ATF7IP: variants seen among roughly 807,000 people sequenced by gnomAD.
The protein encoded by ATF7IP is activating transcription factor 7-interacting protein 1.
A neutral mutation model predicts 106.4 loss-of-function variants in ATF7IP; 23 were observed. That is an observed-to-expected ratio of 0.22 (90% CI 0.16 to 0.31). The LOEUF (loss-of-function observed/expected upper bound fraction) is 0.31, where lower values mean the gene tolerates loss of function less well. ATF7IP is among the 10% of genes least tolerant of loss of function. The pLI is 1.00. For missense variants in ATF7IP, 1,334 were observed against 1,524.3 expected, an observed-to-expected ratio of 0.88 and a Z score of 2.08; for synonymous variants, 542 against 539.0, an observed-to-expected ratio of 1.01 and a Z score of -0.08.
chr12:14,422,550 C>A (rs565979932), intron 1 of ATF7IP, among the ~76,000 whole-genome samples: 15 of 152,256 alleles, frequency 9.9e-5, no homozygotes, highest in African/African-American at 2.6e-4. Context: ...AGCAGCTACT[C>A]CTCATTTTCT....
At position 14,436,230 on chromosome 12, in the gene ATF7IP, C is replaced by T. The variant is rs1942396442; in HGVS notation, c.1770C>T (p.Asp590=). Residue 590 remains aspartate, a synonymous_variant, in exon 4 of 15, where the codon GAC becomes GAT. Transcript: ENST00000261168. ...EFQVKITAKG[D]INQKLQKVIQ... ...AAGTAAAGATTACAGCCAAAGGAGA[C>T]ATTAACCAGAAACTTCAAAAGGTAT... The T allele has an allele frequency of 6.2e-7, 1 of 1,612,786 alleles. No homozygotes were observed. The highest frequency in any genetic ancestry group is 2.2e-5 in the East Asian group (1 of 44,766).
intron 3 of ATF7IP, among the ~76,000 whole-genome samples, chr12:14,435,824 G>A (rs1942377052): frequency 6.6e-6 from 1 of 152,198 alleles, no homozygotes; most frequent in South Asian, 2.1e-4. Flanking sequence ...CCTTCTTCAT[G>A]ACACAATTGT....
intron 13 of ATF7IP, among the ~76,000 whole-genome samples, chr12:14,484,083 C>T (rs1348350354): frequency 6.6e-6 from 1 of 152,134 alleles, no homozygotes; most frequent in African/African-American, 2.4e-5. Context: ...TATAATCAAC[C>T]TGCCACCCGG....
chr12:14,479,643 A>G (rs1478687663), intron 12 of ATF7IP, among the ~76,000 whole-genome samples: 4 of 152,082 alleles, frequency 2.6e-5, no homozygotes, highest in African/African-American at 7.2e-5. Context: ...GATGCAGCAA[A>G]TGTGTGGTTG....
intron 6 of ATF7IP, among the ~76,000 whole-genome samples, chr12:14,453,428 T>C (rs893121322): frequency 6.6e-6 from 1 of 152,190 alleles, no homozygotes; most frequent in South Asian, 2.1e-4. Context: ...TTCAAACTTG[T>C]GGACTTATTT....
intron 6 of ATF7IP, among the ~76,000 whole-genome samples, chr12:14,448,322 A>G (rs1261763359): frequency 6.6e-6 from 1 of 152,178 alleles, no homozygotes; most frequent in Non-Finnish European, 1.5e-5. Flanking sequence ...GAAATTGACA[A>G]TTTTGTTTAC....
At position 14,460,979 on chromosome 12, in the gene ATF7IP, T is replaced by C. The variant is rs759661713; in HGVS notation, c.2643T>C (p.Ile881=). The C allele has an allele frequency of 2.7e-5, 43 of 1,613,866 alleles. No individual in the cohort carries two copies. Among genetic ancestry groups the C allele is most frequent in the Non-Finnish European group, 3.2e-5 (38 of 1,179,990 alleles). Residue 881 remains isoleucine, a synonymous_variant, in exon 9 of 15, where the codon ATT becomes ATC. Coordinates refer to ENST00000261168, the MANE Select transcript of ATF7IP (RefSeq NM_018179.5). ...AVQAVPTAHS[I]VQATRTSLPT... ...AGGCTGTTCCAACAGCACACTCTAT[T>C]GTACAAGCCACAAGGACTTCTTTAC...
rs1220998587 is a variant in ATF7IP, at chr12:14,500,284, G to A, written c.*2211G>A. 6.6e-6 allele frequency: 1 copy of A among 152,152 alleles called. No individual in the cohort carries two copies. The highest frequency in any genetic ancestry group is 1.5e-5 in the Non-Finnish European group (1 of 68,042). 9.4% of individuals were successfully genotyped at this position (152,152 alleles called of 1,614,324 possible). A position where few individuals can be genotyped will look rare whatever the true frequency, so the allele number is the denominator to read the frequency against. ...ACTTTTGACTGGTCAGTATACTGAG[G>A]TGTGAGATTTGATTCATGATGAAGA... is the stretch of plus-strand genomic sequence containing the variant. On this transcript the variant is annotated 3_prime_UTR_variant, in exon 15 of 15. Transcript: ENST00000261168.
At chr12:14,476,530 ATC>A (rs1944269987) in intron 11 of ATF7IP, 1 of 151,638 alleles carries the variant, frequency 6.6e-6, no homozygotes, top group African/African-American at 2.4e-5. Flanking sequence ...CTGTTTTTGT[ATC>A]TGTTATTTCA....
At chr12:14,443,115 C>G (rs1204993237) in intron 5 of ATF7IP, among the ~76,000 whole-genome samples, 1 of 151,882 alleles carries the variant, frequency 6.6e-6, no homozygotes, top group East Asian at 1.9e-4. Context: ...AGATTGTGCC[C>G]TTGCATTCCA....
chr12:14,404,175 A>G lies in ATF7IP; in HGVS notation c.-7-19734A>G, dbSNP rs147612031. On this transcript the variant is annotated intron_variant, in intron 1 of 14. Transcript: ENST00000261168. The stretch of plus-strand genomic sequence containing the variant: ...GTGCTAAACAGTCTATAATGGAGAC[A>G]AGGCAGTTCATGGAAACTAGAGAAC... Among the ~76,000 whole-genome samples, 96 of 151,832 alleles carry G rather than the reference A, an allele frequency of 6.3e-4. 3 individuals are homozygous for G. In the East Asian group the frequency reaches 0.018, roughly 29 times the overall value.
chr12:14,487,037 C>G (rs1944642872), intron 13 of ATF7IP, among the ~76,000 whole-genome samples: 1 of 152,160 alleles, frequency 6.6e-6, no homozygotes. Context: ...CTACATTAAC[C>G]AAGGGAGATA....
intron 12 of ATF7IP, among the ~76,000 whole-genome samples, chr12:14,478,734 G>GCATT (rs774568606): frequency 2.0e-5 from 3 of 152,058 alleles, no homozygotes; most frequent in Non-Finnish European, 2.9e-5. Flanking sequence ...ATTTTAAAAA[G>GCATT]CATTCACATC....
chr12:14,412,941 G>A (rs1402631238), intron 1 of ATF7IP, among the ~76,000 whole-genome samples: 1 of 152,230 alleles, frequency 6.6e-6, no homozygotes, highest in South Asian at 2.1e-4. Context: ...TTGAACCCAG[G>A]AGGCGGAGGC....
In ATF7IP at chr12:14,424,925, A is replaced by C; in HGVS notation, c.1010A>C (p.Glu337Ala). Residue 337 changes from glutamate (E) to alanine (A), a missense_variant, in exon 2 of 15, where the codon GAG becomes GCG. This residue lies in a region of ATF7IP where 438 missense variants were observed against 405.3 expected (regional missense o/e 1.08). Transcript: ENST00000261168. ...EQIQSKDSLD[E>A]KNKADNNIDA... ...ATTCAGAGTAAAGACTCATTGGATG[A>C]GAAAAATAAAGCTGATAATAATATT... is the stretch of plus-strand genomic sequence containing the variant. The C allele has an allele frequency of 1.2e-6, 2 of 1,604,922 alleles. No homozygotes were observed. The highest frequency in any genetic ancestry group is 1.7e-6 in the Non-Finnish European group (2 of 1,177,746).
chr12:14,374,361 C>G (rs747713168), intron 1 of ATF7IP, among the ~76,000 whole-genome samples: 5 of 150,922 alleles, frequency 3.3e-5, no homozygotes, highest in Non-Finnish European at 7.4e-5. Flanking sequence ...CAATCCTCCC[C>G]TCTTGGCCTC....
intron 1 of ATF7IP, among the ~76,000 whole-genome samples, chr12:14,409,577 G>T (rs1940792037): frequency 1.3e-5 from 2 of 151,950 alleles, no homozygotes; most frequent in South Asian, 4.1e-4. Flanking sequence ...TAAATATCTT[G>T]CGTGAGTATT....
intron 1 of ATF7IP, among the ~76,000 whole-genome samples, chr12:14,412,726 A>G (rs1940990124): frequency 6.6e-6 from 1 of 151,532 alleles, no homozygotes; most frequent in Admixed American, 6.6e-5. Flanking sequence ...AAGTTGTATG[A>G]CTTGTGGCTG....
intron 1 of ATF7IP, among the ~76,000 whole-genome samples, chr12:14,395,470 T>A (rs1939787005): frequency 6.6e-6 from 1 of 152,198 alleles, no homozygotes; most frequent in African/African-American, 2.4e-5. Flanking sequence ...CCTTCACATT[T>A]GAATTGAAAT....
Sources: gnomAD v4.1 joint callset for allele counts (sites outside exome capture counted in the v4.1 genomes callset) on GRCh38, gnomAD v4.1.1 for gene constraint, gnomAD v4.1.1 regional missense constraint, MANE v1.5 for transcripts, NCBI Gene and HGNC (gene_info 2026-07-23, HGNC 2026-07-21) for gene names.